The following LIPI variants were observed in gnomAD, a reference collection of about 807,000 sequenced individuals.
The protein encoded by LIPI is lipase member I.
A neutral mutation model predicts 50.6 loss-of-function variants in LIPI; 59 were observed. That is an observed-to-expected ratio of 1.16 (90% CI 0.94 to 1.45). The LOEUF (loss-of-function observed/expected upper bound fraction) is 1.45. Ranked by LOEUF, LIPI falls within the 40% of genes most tolerant of loss-of-function variation. The pLI is 0.00. For synonymous variants in LIPI, 203 were observed against 178.2 expected (o/e 1.14, Z -1.11); for missense variants, 586 against 536.3 (o/e 1.09, Z -0.92).
At chr21:14,168,331 A>T (rs1236591125) in intron 4 of LIPI, among the ~76,000 whole-genome samples, 1 of 152,214 alleles carries the variant, frequency 6.6e-6, no homozygotes, top group East Asian at 1.9e-4. Flanking sequence ...CTAGCGAGGA[A>T]GGCCAACATT....
At chr21:14,126,860 A>G (rs1251621890) in intron 9 of LIPI, among the ~76,000 whole-genome samples, 1 of 152,194 alleles carries the variant, frequency 6.6e-6, no homozygotes, top group Non-Finnish European at 1.5e-5. Context: ...GGTGGACTTG[A>G]AACCCAAAAA....
intron 8 of LIPI, among the ~76,000 whole-genome samples, chr21:14,150,510 C>G (rs976193230): frequency 6.6e-6 from 1 of 152,158 alleles, no homozygotes. Flanking sequence ...GAACAAAATA[C>G]TGTCTGTGTC....
chr21:14,164,609 C>T (rs1194043657), intron 6 of LIPI, among the ~76,000 whole-genome samples: 1 of 152,264 alleles, frequency 6.6e-6, no homozygotes, highest in East Asian at 1.9e-4. Context: ...ATCTGGTGCT[C>T]TTTTTGAAAA....
At chr21:14,139,948 G>A (rs982572462) in intron 9 of LIPI, among the ~76,000 whole-genome samples, 1 of 152,092 alleles carries the variant, frequency 6.6e-6, no homozygotes, top group Non-Finnish European at 1.5e-5. Context: ...GAAATTGGGA[G>A]GTATGAGGCA....
intron 9 of LIPI, among the ~76,000 whole-genome samples, chr21:14,110,556 C>T (rs1200080404): frequency 6.6e-6 from 1 of 151,912 alleles, no homozygotes; most frequent in East Asian, 1.9e-4. Flanking sequence ...CCATGCTGCA[C>T]AATAAATCTC....
chr21:14,136,868 C>G (rs2017518268), intron 9 of LIPI, among the ~76,000 whole-genome samples: 1 of 152,146 alleles, frequency 6.6e-6, no homozygotes, highest in Non-Finnish European at 1.5e-5. Context: ...TGGCTCAGAG[C>G]AGAGACAGAG....
intron 1 of LIPI, among the ~76,000 whole-genome samples, chr21:14,208,255 G>A (rs866907041): frequency 6.6e-6 from 1 of 152,102 alleles, no homozygotes; most frequent in Non-Finnish European, 1.5e-5. Context: ...GGTGGTCTGC[G>A]TACCCGTAGG....
intron 1 of LIPI, among the ~76,000 whole-genome samples, chr21:14,201,192 T>C (rs543372199): frequency 6.6e-6 from 1 of 152,094 alleles, no homozygotes; most frequent in Admixed American, 6.6e-5. Context: ...ATTCAGAACA[T>C]AGACACAGGC....
chr21:14,173,585 G>T (rs186175425), intron 4 of LIPI, among the ~76,000 whole-genome samples: 26 of 152,310 alleles, frequency 1.7e-4, no homozygotes, highest in Admixed American at 5.2e-4. Context: ...GGGCACAAAA[G>T]ATTTCCTACA....
chr21:14,157,097 G>A (rs926963263), intron 7 of LIPI, among the ~76,000 whole-genome samples: 1 of 151,822 alleles, frequency 6.6e-6, no homozygotes, highest in Admixed American at 6.6e-5. Context: ...TATAAGACAG[G>A]GGTTGAAAGT....
chr21:14,133,826 C>A (rs943706196), intron 9 of LIPI, among the ~76,000 whole-genome samples: 1 of 152,170 alleles, frequency 6.6e-6, no homozygotes, highest in African/African-American at 2.4e-5. Context: ...TGTTTCTATA[C>A]ATCAATAATG....
chr21:14,115,444 C>T (rs1377179125), intron 9 of LIPI, among the ~76,000 whole-genome samples: 1 of 152,120 alleles, frequency 6.6e-6, no homozygotes, highest in Non-Finnish European at 1.5e-5. Flanking sequence ...TTTCTGGACA[C>T]TAGTCCAACT....
intron 7 of LIPI, among the ~76,000 whole-genome samples, chr21:14,162,249 A>T (rs1202796428): frequency 2.0e-5 from 3 of 151,462 alleles, no homozygotes; most frequent in African/African-American, 7.3e-5. Context: ...ATGCTGGATG[A>T]TTCTCTTTAT....
chr21:14,210,837 T>C lies in LIPI; in HGVS notation c.9A>G (p.Val3=). The change falls in exon 1 of 10, where the codon GTA becomes GTG. Residue 3 remains valine (V), a synonymous_variant. Transcript: ENST00000681601. MR[V]YIFLCLMCWV... ...AGCACATCAAACAAAGAAAAATGTATACTCTCATTTGGAATCTGAGAAAAG... is the reference window on the plus strand; with the variant it reads ...AGCACATCAAACAAAGAAAAATGTACACTCTCATTTGGAATCTGAGAAAAG... 1 of 1,233,134 alleles carries C rather than the reference T, an allele frequency of 8.1e-7. No homozygotes were observed. Among genetic ancestry groups the C allele is most frequent in the South Asian group, 1.4e-5 (1 of 72,988 alleles). The allele number at this position is 1,233,134 out of a possible 1,614,324, so 76.4% of individuals were successfully genotyped here.
At chr21:14,124,169 G>A (rs2016965588) in intron 9 of LIPI, among the ~76,000 whole-genome samples, 1 of 152,064 alleles carries the variant, frequency 6.6e-6, no homozygotes, top group Non-Finnish European at 1.5e-5. Flanking sequence ...AGCAATAGTG[G>A]ACCGAAAAAC....
At chr21:14,111,453 T>C (rs2016409282) in intron 9 of LIPI, among the ~76,000 whole-genome samples, 2 of 152,078 alleles carry the variant, frequency 1.3e-5, no homozygotes, top group South Asian at 4.1e-4. Flanking sequence ...TTTCTTGATA[T>C]TGAGTTGTTT....
chr21:14,152,303 T>C (rs1012739002), intron 8 of LIPI, among the ~76,000 whole-genome samples: 5 of 152,046 alleles, frequency 3.3e-5, no homozygotes, highest in African/African-American at 1.2e-4. Flanking sequence ...GGTTTCACCA[T>C]GTTAGCCAGG....
At chr21:14,184,070 C>T (rs1485529393) in intron 3 of LIPI, among the ~76,000 whole-genome samples, 2 of 152,092 alleles carry the variant, frequency 1.3e-5, no homozygotes, top group African/African-American at 4.8e-5. Flanking sequence ...AGACTTGGAA[C>T]CAACCTAAAT....
intron 7 of LIPI, among the ~76,000 whole-genome samples, chr21:14,157,925 A>G (rs2018329344): frequency 6.6e-6 from 1 of 151,746 alleles, no homozygotes; most frequent in African/African-American, 2.4e-5. Context: ...GGGGGAGGTA[A>G]TTTGATTCCT....
Sources: allele counts gnomAD v4.1 joint callset (sites outside exome capture counted in the v4.1 genomes callset), GRCh38; gene constraint gnomAD v4.1.1; transcripts MANE v1.5; gene names NCBI Gene and HGNC (gene_info 2026-07-23, HGNC 2026-07-21).